Variants in CADM2 observed in about 807,000 individuals in gnomAD.
CADM2 encodes the protein immunoglobulin superfamily member 4D.
In CADM2, 12 loss-of-function variants were observed where a neutral mutation model predicts 49.8. The observed-to-expected ratio is 0.24, with a 90% CI of 0.15 to 0.39. CADM2 has a LOEUF of 0.39. Among genes scored for constraint, CADM2 ranks in the 10% least tolerant of loss-of-function variants. The pLI, the probability that CADM2 is intolerant of heterozygous loss-of-function variation, is 1.00. For missense variants in CADM2, 378 were observed against 492.3 expected (o/e 0.77, Z 2.20); for synonymous variants, 214 against 175.4 (o/e 1.22, Z -1.74).
rs556869979 is a variant in CADM2, at chr3:85,619,328, G to T, written c.62-107194G>T. On this transcript the variant is annotated intron_variant, in intron 1 of 9. Transcript: ENST00000383699. ...TGATTTTCTTAATTAAAAAAAAGAT[G>T]CAATGGAACTTTAAACTTTCAAAAA... 3.3e-5 allele frequency among the ~76,000 whole-genome samples: 5 copies of T among 150,586 alleles called. 1 individual carries two copies. In the South Asian group the frequency reaches 1.1e-3, roughly 32 times the overall value.
At chr3:85,644,113 A>T (rs2064814713) in intron 1 of CADM2, among the ~76,000 whole-genome samples, 1 of 152,184 alleles carries the variant, frequency 6.6e-6, no homozygotes, top group Admixed American at 6.5e-5. Flanking sequence ...ATTTTCTCAG[A>T]GTTCTAGAGT....
chr3:85,984,127 T>A (rs944290499), intron 8 of CADM2, among the ~76,000 whole-genome samples: 8 of 149,920 alleles, frequency 5.3e-5, no homozygotes, highest in African/African-American at 1.9e-4. Context: ...ATGTGTACAA[T>A]TATTCCGATT....
chr3:85,341,166 A>G lies in CADM2; in HGVS notation c.61+381498A>G, dbSNP rs1051941318. The stretch of plus-strand genomic sequence containing the variant: ...TAAATAAATCAAGCATACGGAATAT[A>G]AAAACACTAAGCATATTTGTTTAAT... On this transcript the variant is annotated intron_variant, in intron 1 of 9. Coordinates refer to ENST00000383699, the MANE Select transcript of CADM2 (RefSeq NM_001167675.2). Among the ~76,000 whole-genome samples, 6 of 151,782 alleles carry G rather than the reference A, an allele frequency of 4.0e-5. 1 individual carries two copies. The highest frequency in any genetic ancestry group is 3.9e-4 in the Admixed American group (6 of 15,198).
chr3:85,092,482 T>A (rs918785726), intron 1 of CADM2, among the ~76,000 whole-genome samples: 2 of 152,172 alleles, frequency 1.3e-5, no homozygotes, highest in Non-Finnish European at 2.9e-5. Context: ...ATCCTCAGCA[T>A]TTAGCACTGC....
At chr3:85,763,597 T>G (rs1340789115) in intron 2 of CADM2, among the ~76,000 whole-genome samples, 2 of 152,194 alleles carry the variant, frequency 1.3e-5, no homozygotes, top group Non-Finnish European at 2.9e-5. Context: ...AGTGGGTTGG[T>G]GATGTGGCCA....
At chr3:85,326,536 A>C (rs2044755904) in intron 1 of CADM2, among the ~76,000 whole-genome samples, 1 of 152,116 alleles carries the variant, frequency 6.6e-6, no homozygotes, top group African/African-American at 2.4e-5. Context: ...TTTTTTCAAA[A>C]TGTTCAATAT....
At chr3:85,007,808 T>C (rs764077828) in intron 1 of CADM2, among the ~76,000 whole-genome samples, 3 of 152,212 alleles carry the variant, frequency 2.0e-5, no homozygotes, top group Non-Finnish European at 4.4e-5. Context: ...TTGGTAATTA[T>C]TGAGTAGCCA....
At chr3:85,604,470 C>T (rs902817624) in intron 1 of CADM2, among the ~76,000 whole-genome samples, 1 of 151,810 alleles carries the variant, frequency 6.6e-6, no homozygotes, top group South Asian at 2.1e-4. Context: ...ATTAGTTTAC[C>T]CATGTGAAAC....
intron 1 of CADM2, among the ~76,000 whole-genome samples, chr3:85,480,403 T>C (rs1049899999): frequency 2.6e-5 from 4 of 151,864 alleles, no homozygotes; most frequent in South Asian, 2.1e-4. Context: ...ACTCTGCCAT[T>C]TCAAATTTGT....
intron 2 of CADM2, among the ~76,000 whole-genome samples, chr3:85,755,639 T>C (rs960517907): frequency 5.3e-5 from 8 of 152,014 alleles, no homozygotes; most frequent in African/African-American, 1.9e-4. Context: ...AACTCAATCA[T>C]GGTGGAAGGT....
intron 7 of CADM2, among the ~76,000 whole-genome samples, chr3:85,950,409 C>G (rs1006131209): frequency 6.6e-6 from 1 of 151,134 alleles, no homozygotes; most frequent in Non-Finnish European, 1.5e-5. Context: ...GCAATCTTAT[C>G]TTTTCTAAGG....
intron 3 of CADM2, among the ~76,000 whole-genome samples, chr3:85,813,650 T>G (rs1194051435): frequency 2.6e-5 from 4 of 152,226 alleles, no homozygotes; most frequent in Admixed American, 2.6e-4. Context: ...CAGGTTATCT[T>G]CTAGGGTTTT....
chr3:85,615,264 AG>A (rs1426741048), intron 1 of CADM2, among the ~76,000 whole-genome samples: 1 of 151,944 alleles, frequency 6.6e-6, no homozygotes, highest in Non-Finnish European at 1.5e-5. Flanking sequence ...AGAAAGAAAA[AG>A]GAAGGAAGGA....
intron 6 of CADM2, among the ~76,000 whole-genome samples, chr3:85,927,653 T>C (rs1278391014): frequency 6.6e-6 from 1 of 152,180 alleles, no homozygotes; most frequent in East Asian, 1.9e-4. Flanking sequence ...ACTGCTACTT[T>C]GTGTTACAAA....
intron 1 of CADM2, among the ~76,000 whole-genome samples, chr3:85,374,785 T>C (rs1041583370): frequency 1.3e-5 from 2 of 152,010 alleles, no homozygotes; most frequent in Non-Finnish European, 2.9e-5. Context: ...GTGAGACTTA[T>C]TCACTCTCAG....
chr3:85,915,758 T>A (rs1221990618), intron 6 of CADM2, among the ~76,000 whole-genome samples: 1 of 152,194 alleles, frequency 6.6e-6, no homozygotes, highest in Non-Finnish European at 1.5e-5. Context: ...CTCCATTGTT[T>A]GACAATATTC....
chr3:85,113,541 C>CA, intron 1 of CADM2, among the ~76,000 whole-genome samples: 1 of 151,844 alleles, frequency 6.6e-6, no homozygotes, highest in Non-Finnish European at 1.5e-5. Flanking sequence ...TCAGTTTAAA[C>CA]AAAAATCAAA....
chr3:85,614,214 T>A (rs1437296792), intron 1 of CADM2, among the ~76,000 whole-genome samples: 1 of 151,556 alleles, frequency 6.6e-6, no homozygotes, highest in Non-Finnish European at 1.5e-5. Context: ...GATGATTCAA[T>A]TTTTTAATAG....
At chr3:85,484,922 T>C (rs2039357164) in intron 1 of CADM2, among the ~76,000 whole-genome samples, 1 of 151,948 alleles carries the variant, frequency 6.6e-6, no homozygotes, top group Non-Finnish European at 1.5e-5. Flanking sequence ...GCATTCATTT[T>C]CCTTCACGCA....
Sources: allele counts gnomAD v4.1 joint callset (sites outside exome capture counted in the v4.1 genomes callset), GRCh38; gene constraint gnomAD v4.1.1; transcripts MANE v1.5; gene names NCBI Gene and HGNC (gene_info 2026-07-23, HGNC 2026-07-21).